EPB41: variants seen among roughly 807,000 people sequenced by gnomAD.
EPB41 encodes erythrocyte membrane protein band 4.1.
EPB41 carries 65 observed loss-of-function variants against 108.0 expected under a neutral mutation model. The observed-to-expected ratio is 0.60, with a 90% confidence interval of 0.49 to 0.74. The LOEUF (loss-of-function observed/expected upper bound fraction) is 0.74. Ranked by LOEUF, EPB41 falls within the 30% of genes least tolerant of loss-of-function variation. EPB41 has a pLI of 0.00. For missense variants in EPB41, 875 were observed against 1,037.0 expected (o/e 0.84, Z 2.15); for synonymous variants, 336 against 358.9 (o/e 0.94, Z 0.72).
intron 1 of EPB41, among the ~76,000 whole-genome samples, chr1:28,952,071 G>T (rs2094749497): frequency 6.6e-6 from 1 of 152,084 alleles, no homozygotes; most frequent in Admixed American, 6.6e-5. Flanking sequence ...CAAGGGTAGG[G>T]TTAGAGGAAA....
chr1:28,981,033 A>G (rs1048593398), intron 1 of EPB41, among the ~76,000 whole-genome samples: 1 of 152,142 alleles, frequency 6.6e-6, no homozygotes, highest in East Asian at 1.9e-4. Flanking sequence ...TCAGCCTCCC[A>G]AAGTGCTTGG....
At chr1:28,948,031 A>G (rs778640093) in intron 1 of EPB41, among the ~76,000 whole-genome samples, 16 of 152,014 alleles carry the variant, frequency 1.1e-4, no homozygotes, top group Non-Finnish European at 1.8e-4. Context: ...TATAAAACAT[A>G]CTTGTGGACA....
chr1:28,933,886 T>C (rs2093867165), intron 1 of EPB41, among the ~76,000 whole-genome samples: 2 of 152,170 alleles, frequency 1.3e-5, no homozygotes, highest in South Asian at 2.1e-4. Context: ...CACTGCAGTT[T>C]CCTCTATTAT....
In EPB41 at chr1:29,018,588, C is replaced by T; in HGVS notation, c.1124+146C>T. The stretch of plus-strand genomic sequence containing the variant: ...CCACTGTTTGACTTTGGGCAGGTTA[C>T]TTAACCTCTCTTAATCTAAGCTTTC... On this transcript the variant is annotated intron_variant, in intron 7 of 20. Transcript: ENST00000343067. The surrounding 1 kb of genome is among the most constrained non-coding windows in gnomAD (Gnocchi z 4.4). 1.3e-6 allele frequency: 1 copy of T among 795,348 alleles called. No individual in the cohort carries two copies. The highest frequency in any genetic ancestry group is 2.1e-6 in the Non-Finnish European group (1 of 468,634). 49.3% of individuals were successfully genotyped at this position (795,348 alleles called of 1,614,324 possible).
chr1:29,002,778 G>A (rs1213758664), intron 4 of EPB41, among the ~76,000 whole-genome samples: 1 of 152,132 alleles, frequency 6.6e-6, no homozygotes, highest in Admixed American at 6.6e-5. Flanking sequence ...ATAGAATGAG[G>A]GCTCCCAATA....
At chr1:29,070,812 C>A in intron 16 of EPB41, 2 of 770,444 alleles carry the variant, frequency 2.6e-6, no homozygotes, top group Non-Finnish European at 3.5e-6. Context: ...CAATGGACTG[C>A]CCAAAGCCAG....
intron 1 of EPB41, among the ~76,000 whole-genome samples, chr1:28,897,253 G>A (rs2090766339): frequency 6.6e-6 from 1 of 151,956 alleles, no homozygotes; most frequent in South Asian, 2.1e-4. Flanking sequence ...GAGTGTCTGT[G>A]CCACCTCAGG....
chr1:28,987,983 C>A, intron 2 of EPB41, 78 bp downstream of exon 2: 2 of 1,492,452 alleles, frequency 1.3e-6, no homozygotes, highest in Non-Finnish European at 1.9e-6. Context: ...AGTATTTGGG[C>A]TGGGCGCGGT....
chr1:28,982,652 T>G, intron 1 of EPB41: 1 of 847,002 alleles, frequency 1.2e-6, no homozygotes. Context: ...AAGCCCATCA[T>G]GGTTTTTGAT....
chr1:29,025,615 AAT>A (rs2096708983), intron 7 of EPB41, among the ~76,000 whole-genome samples: 1 of 152,014 alleles, frequency 6.6e-6, no homozygotes, highest in African/African-American at 2.4e-5. Flanking sequence ...TAATCTTTCA[AAT>A]ATATGTGTTG....
intron 1 of EPB41, chr1:28,889,689 G>A (rs1014051327): frequency 2.2e-5 from 10 of 446,224 alleles, no homozygotes; most frequent in Non-Finnish European, 1.5e-5. Context: ...AACCTAGGCT[G>A]CAGGGTGAGA....
At chr1:28,978,750 C>G (rs1371157539) in intron 1 of EPB41, among the ~76,000 whole-genome samples, 1 of 151,462 alleles carries the variant, frequency 6.6e-6, no homozygotes, top group Non-Finnish European at 1.5e-5. Context: ...GTGTCTCTGA[C>G]AGCTGGGACA....
chr1:28,944,018 C>T (rs1414379040), intron 1 of EPB41, among the ~76,000 whole-genome samples: 1 of 152,124 alleles, frequency 6.6e-6, no homozygotes, highest in Non-Finnish European at 1.5e-5. Context: ...CATTGGAGTA[C>T]TATTCAACCA....
upstream of EPB41, among the ~76,000 whole-genome samples, chr1:28,913,664 T>G (rs2092376103): frequency 6.6e-6 from 1 of 152,122 alleles, no homozygotes; most frequent in Admixed American, 6.6e-5. Flanking sequence ...TTTCCTCATC[T>G]CTAAAATAGA....
chr1:29,093,724 G>A (rs1000275773), intron 16 of EPB41, among the ~76,000 whole-genome samples: 1 of 152,122 alleles, frequency 6.6e-6, no homozygotes, highest in Non-Finnish European at 1.5e-5. Flanking sequence ...GACCAACATG[G>A]TGAAACTCCG....
rs1639242282 is a variant in EPB41, at chr1:29,035,837, TGAAAGTACCATC to T, written c.1379_1390del (p.Glu460_Ile463del). ...TTGTGTTTTTGTAGCAAGAGCAGTA[TGAAAGTACCATC>T]GGATTCAAACTTCCCAGTTACCGAG... On this transcript the variant is annotated inframe_deletion, in exon 10 of 21. Transcript: ENST00000343067. 6.2e-7 allele frequency: 1 copy of T among 1,613,670 alleles called. No individual in the cohort carries two copies. Among genetic ancestry groups the T allele is most frequent in the African/African-American group, 1.3e-5 (1 of 74,942 alleles).
chr1:29,079,480 C>T (rs958116440), intron 16 of EPB41, among the ~76,000 whole-genome samples: 22 of 150,672 alleles, frequency 1.5e-4, no homozygotes, highest in African/African-American at 4.6e-4. Flanking sequence ...TGCAGTGACA[C>T]GATCTCGGCA....
rs1023306218 is a variant in EPB41, at chr1:29,045,332, T to C, written c.1636+5906T>C. Among the ~76,000 whole-genome samples, 109 of 152,118 alleles carry C rather than the reference T, an allele frequency of 7.2e-4. 1 individual carries two copies. Among genetic ancestry groups the C allele is most frequent in the African/African-American group, 2.5e-3 (104 of 41,520 alleles). ...GTGCATCTTTCATTAGATTTATTCT[T>C]ACAGATTTGATGTCATTTGCTATTT... On this transcript the variant is annotated intron_variant, in intron 11 of 20. Coordinates refer to ENST00000343067, the MANE Select transcript of EPB41 (RefSeq NM_001376013.1).
At chr1:29,073,677 C>T (rs1652557717) in intron 16 of EPB41, among the ~76,000 whole-genome samples, 1 of 152,098 alleles carries the variant, frequency 6.6e-6, no homozygotes, top group South Asian at 2.1e-4. Flanking sequence ...ATAAACCAAG[C>T]ATCTATATTT....
Sources: allele counts gnomAD v4.1 joint callset (sites outside exome capture counted in the v4.1 genomes callset), GRCh38; gene constraint gnomAD v4.1.1; non-coding constraint Gnocchi (gnomAD v3.1); transcripts MANE v1.5; gene names NCBI Gene and HGNC (gene_info 2026-07-23, HGNC 2026-07-21).